ZBTB20: variants seen among roughly 807,000 people sequenced by gnomAD.
ZBTB20 encodes zinc finger and BTB domain-containing protein 20.
In ZBTB20, 9 loss-of-function variants were observed where a neutral mutation model predicts 56.9. The observed-to-expected ratio is 0.16, with a 90% CI of 0.10 to 0.28. The LOEUF (loss-of-function observed/expected upper bound fraction) is 0.28, where lower values mean the gene tolerates loss of function less well. Ranked by LOEUF, ZBTB20 falls within the 10% of genes least tolerant of loss-of-function variation. The probability of loss-of-function intolerance (pLI) is 1.00; values close to 1 mark genes in which losing one functional copy is unlikely to be tolerated. For synonymous variants in ZBTB20, 417 were observed against 420.7 expected (o/e 0.99, Z 0.11); for missense variants, 655 against 1,003.0 (o/e 0.65, Z 4.69).
intron 2 of ZBTB20, among the ~76,000 whole-genome samples, chr3:115,063,652 A>AACACAC (rs67995178): frequency 6.7e-6 from 1 of 149,536 alleles, no homozygotes; most frequent in African/African-American, 2.5e-5. Flanking sequence ...TTGTCAAAGC[A>AACACAC]ACACACACAC....
intron 5 of ZBTB20, among the ~76,000 whole-genome samples, chr3:114,695,022 C>T (rs2062919829): frequency 6.6e-6 from 1 of 152,036 alleles, no homozygotes; most frequent in African/African-American, 2.4e-5. Flanking sequence ...AGGTCCCTTA[C>T]GAGTTCACTG....
At chr3:114,640,667 A>G (rs1678411893) in intron 6 of ZBTB20, among the ~76,000 whole-genome samples, 1 of 152,094 alleles carries the variant, frequency 6.6e-6, no homozygotes, top group Non-Finnish European at 1.5e-5. Flanking sequence ...TACCCTGTAT[A>G]TAAGCTTTAA....
chr3:114,813,683 G>A (rs540487999), intron 4 of ZBTB20, among the ~76,000 whole-genome samples: 4 of 152,254 alleles, frequency 2.6e-5, no homozygotes, highest in East Asian at 3.9e-4. Flanking sequence ...CCTGGGAGGC[G>A]GAGGTTGCAG....
intron 6 of ZBTB20, among the ~76,000 whole-genome samples, chr3:114,611,354 G>C (rs1423896444): frequency 6.6e-6 from 1 of 152,132 alleles, no homozygotes; most frequent in Admixed American, 6.5e-5. Context: ...ACAGAGTCTT[G>C]CATATCAGAA....
intron 5 of ZBTB20, among the ~76,000 whole-genome samples, chr3:114,756,459 C>T (rs573604850): frequency 6.6e-6 from 1 of 152,230 alleles, no homozygotes; most frequent in African/African-American, 2.4e-5. Context: ...CGATTACACA[C>T]ACAAAAAAGT....
intron 5 of ZBTB20, among the ~76,000 whole-genome samples, chr3:114,742,590 G>A (rs781564982): frequency 4.6e-5 from 7 of 152,046 alleles, no homozygotes; most frequent in South Asian, 2.1e-4. Flanking sequence ...TTTTACATAC[G>A]AGAAAACTAA....
intron 6 of ZBTB20, among the ~76,000 whole-genome samples, chr3:114,586,322 A>C (rs1404810432): frequency 6.6e-6 from 1 of 152,246 alleles, no homozygotes; most frequent in Non-Finnish European, 1.5e-5. Flanking sequence ...TATTGGAATG[A>C]CTACAAAGCA....
chr3:114,530,984 T>C (rs186075543), intron 6 of ZBTB20, among the ~76,000 whole-genome samples: 12 of 152,286 alleles, frequency 7.9e-5, no homozygotes, highest in African/African-American at 2.9e-4. Context: ...TCTCATAATT[T>C]TTCCTTGAGT....
intron 6 of ZBTB20, among the ~76,000 whole-genome samples, chr3:114,501,339 G>A (rs963722104): frequency 6.6e-6 from 1 of 152,106 alleles, no homozygotes; most frequent in African/African-American, 2.4e-5. Context: ...TAAATTACAA[G>A]CCAGGCTAGG....
chr3:114,440,210 T>C (rs2090818244), intron 7 of ZBTB20, among the ~76,000 whole-genome samples: 1 of 152,154 alleles, frequency 6.6e-6, no homozygotes, highest in Non-Finnish European at 1.5e-5. Flanking sequence ...ATATATACAT[T>C]AATATATGTG....
chr3:114,803,211 C>T (rs1434009747), intron 4 of ZBTB20, among the ~76,000 whole-genome samples: 1 of 150,806 alleles, frequency 6.6e-6, no homozygotes, highest in East Asian at 1.9e-4. Context: ...AACTTGGTCA[C>T]AACTATCCTT....
intron 2 of ZBTB20, among the ~76,000 whole-genome samples, chr3:115,052,166 G>A (rs2081575122): frequency 6.6e-6 from 1 of 152,056 alleles, no homozygotes; most frequent in Non-Finnish European, 1.5e-5. Flanking sequence ...ACTTTCTAAA[G>A]ATAAAAGTGT....
In ZBTB20 at chr3:115,089,552, A is replaced by G. The variant is rs370764156; in HGVS notation, c.-702-18138T>C. Among the ~76,000 whole-genome samples, 36 of 152,022 alleles carry G rather than the reference A, an allele frequency of 2.4e-4. No individual in the cohort carries two copies. In the East Asian group the frequency reaches 3.7e-3, roughly 15 times the overall value. On this transcript the variant is annotated intron_variant, in intron 1 of 11. Coordinates refer to ENST00000675478, the MANE Select transcript of ZBTB20 (RefSeq NM_001348800.3). ...CATGTCAGGGGCTAATGTGGTGCCA[A>G]AAGTTAGACATTATCATTTAACACA...
In ZBTB20 at chr3:114,467,724, A is replaced by G. The variant is rs560123028; in HGVS notation, c.-255+32628T>C. On this transcript the variant is annotated intron_variant, in intron 7 of 11. Coordinates refer to ENST00000675478, the MANE Select transcript of ZBTB20 (RefSeq NM_001348800.3). ...CAAAACTATATCTGGAAGTTTTTAGAGTAGTTAGCAAGATCCAAACTTTAT... is the reference window on the plus strand; with the variant it reads ...CAAAACTATATCTGGAAGTTTTTAGGGTAGTTAGCAAGATCCAAACTTTAT... Among the ~76,000 whole-genome samples, 264 of 152,364 alleles carry G rather than the reference A, an allele frequency of 1.7e-3. 2 individuals carry two copies. The highest frequency in any genetic ancestry group is 6.2e-3 in the African/African-American group (258 of 41,588).
chr3:114,765,299 T>C (rs2068711800), intron 5 of ZBTB20, among the ~76,000 whole-genome samples: 1 of 152,110 alleles, frequency 6.6e-6, no homozygotes, highest in Non-Finnish European at 1.5e-5. Flanking sequence ...GGGTCCCTAA[T>C]TAAGATGCAG....
At chr3:115,014,328 T>A (rs552452120) in intron 2 of ZBTB20, among the ~76,000 whole-genome samples, 267 of 151,684 alleles carry the variant, frequency 1.8e-3, no homozygotes, top group African/African-American at 6.1e-3. Context: ...TTAGAAAGAT[T>A]AAATAATACC....
intron 10 of ZBTB20, among the ~76,000 whole-genome samples, chr3:114,360,264 T>TA (rs1360946873): frequency 6.6e-6 from 1 of 151,480 alleles, no homozygotes; most frequent in Non-Finnish European, 1.5e-5. Flanking sequence ...TTCTAACAAA[T>TA]AAAAAAAAGT....
intron 5 of ZBTB20, among the ~76,000 whole-genome samples, chr3:114,751,009 C>T (rs1183180381): frequency 1.3e-5 from 2 of 152,112 alleles, no homozygotes; most frequent in East Asian, 1.9e-4. Flanking sequence ...ACTGCATTTT[C>T]ATTTAACTAA....
At chr3:114,693,725 G>A (rs2062831384) in intron 5 of ZBTB20, 150 bp from the exon 6 acceptor site, 1 of 152,044 alleles carries the variant, frequency 6.6e-6, no homozygotes, top group African/African-American at 2.4e-5. Flanking sequence ...TTTCCCTTTG[G>A]GAATGGAAAT....
Sources: allele counts gnomAD v4.1 joint callset (sites outside exome capture counted in the v4.1 genomes callset), GRCh38; gene constraint gnomAD v4.1.1; transcripts MANE v1.5; gene names NCBI Gene and HGNC (gene_info 2026-07-23, HGNC 2026-07-21).